Variants in CCDC136 observed in about 807,000 individuals in gnomAD.
The protein encoded by CCDC136 is coiled-coil domain-containing protein 136.
A neutral mutation model predicts 141.2 loss-of-function variants in CCDC136; 100 were observed. That is an observed-to-expected ratio of 0.71 (90% CI 0.60 to 0.84). The LOEUF (loss-of-function observed/expected upper bound fraction) is 0.84. CCDC136 is among the 40% of genes least tolerant of loss of function. CCDC136 has a pLI of 0.00. For synonymous variants in CCDC136, 474 were observed against 531.9 expected, an observed-to-expected ratio of 0.89 and a Z score of 1.50; for missense variants, 1,206 against 1,379.4, an observed-to-expected ratio of 0.87 and a Z score of 1.99.
rs1247533851 is a variant in CCDC136, at chr7:128,801,202, A to G, written c.363A>G (p.Leu121=). The part of the protein sequence containing the change: ...IQQLQGELRS[L]REEISLLEHE... ...ACTTTGCAGGTGAGCTGCGTTCTCT[A>G]CGGGAGGAGATTTCCCTGTTAGAGC... The change falls in exon 4 of 18, where the codon CTA becomes CTG. Residue 121 remains leucine, a synonymous_variant. Transcript: ENST00000297788. The G allele has an allele frequency of 1.2e-6, 2 of 1,613,172 alleles. No homozygotes were observed. Among genetic ancestry groups the G allele is most frequent in the African/African-American group, 1.3e-5 (1 of 74,900 alleles).
Position 128,807,428 on chromosome 7 carries a change from G to A in CCDC136, c.1488G>A (p.Glu496=), listed in dbSNP as rs758999678. 6 of 1,578,658 alleles carry A rather than the reference G, an allele frequency of 3.8e-6. No individual in the cohort carries two copies. In the Admixed American group the frequency reaches 1.1e-4, roughly 29 times the overall value. The change falls in exon 10 of 18, where the codon GAG becomes GAA. Residue 496 remains glutamate (E), a synonymous_variant. Coordinates refer to ENST00000297788, the MANE Select transcript of CCDC136 (RefSeq NM_022742.5). ...QLYQASKDEL[E]RQKHMYDQLE... ...ACCAGGCCAGCAAGGACGAGCTGGA[G>A]CGGCAGAAGCACATGTATGACCAGC...
intron 10 of CCDC136, 176 bp from the exon 11 acceptor site, chr7:128,809,274 A>T: frequency 3.5e-6 from 2 of 567,492 alleles, no homozygotes; most frequent in South Asian, 2.3e-5. Context: ...CCTGCAGGGG[A>T]TCCCCAATCG....
chr7:128,805,781 G>T lies in CCDC136; in HGVS notation c.969G>T (p.Glu323Asp). 6.2e-7 allele frequency: 1 copy of T among 1,612,762 alleles called. No homozygotes were observed. Among genetic ancestry groups the T allele is most frequent in the South Asian group, 1.1e-5 (1 of 90,798 alleles). ...MKNKCQELCC[E>D]LEELQHHRQV... The stretch of plus-strand genomic sequence containing the variant: ...CATAGTGTCAGGAATTGTGTTGTGA[G>T]TTGGAAGAGCTACAGCATCATCGCC... Residue 323 changes from glutamate to aspartate, a missense_variant, in exon 7 of 18, where the codon GAG becomes GAT. Physicochemically the swap from Glu to Asp is conservative, Grantham distance 45. Transcript: ENST00000297788. The surrounding 1 kb of genome is among the most constrained non-coding windows in gnomAD (Gnocchi z 4.6).
intron 10 of CCDC136, chr7:128,809,242 G>C (rs140660421): frequency 2.2e-4 from 114 of 525,814 alleles, no homozygotes; most frequent in Non-Finnish European, 2.5e-4. Context: ...CCAGTCTAGA[G>C]CAACCTGCTC....
At chr7:128,791,309 C>A (rs9692404), upstream of CCDC136, 58,126 of 354,148 alleles carry the variant, frequency 0.16, 5,057 homozygotes, top group East Asian at 0.24. The surrounding 1 kb of genome is among the most constrained non-coding windows in gnomAD (Gnocchi z 7.1). Context: ...TGCACGGGCT[C>A]GGAGCTCCCG....
chr7:128,796,739 A>ATATATATATATATTTTTTTTT lies in CCDC136; in HGVS notation c.346+1972_346+1973insATATATATATATTTTTTTTTT. ...TGATTCAGAATATATATATATATAT[A>ATATATATATATATTTTTTTTT]TTCTTTTTTTTTTTTTTTTTGAGAC... On this transcript the variant is annotated intron_variant, in intron 3 of 17. Coordinates refer to ENST00000297788, the MANE Select transcript of CCDC136 (RefSeq NM_022742.5). Among the ~76,000 whole-genome samples, 12 of 113,374 alleles carry ATATATATATATATTTTTTTTT rather than the reference A, an allele frequency of 1.1e-4. 1 individual carries two copies. The highest frequency in any genetic ancestry group is 1.7e-4 in the Non-Finnish European group (10 of 59,786). 74.4% of individuals were successfully genotyped at this position (113,374 alleles called of 152,430 possible). A position where few individuals can be genotyped will look rare whatever the true frequency, so the allele number is the denominator to read the frequency against.
intron 4 of CCDC136, among the ~76,000 whole-genome samples, chr7:128,802,346 A>G (rs1457527047): frequency 6.6e-6 from 1 of 152,106 alleles, no homozygotes; most frequent in Non-Finnish European, 1.5e-5. Flanking sequence ...GGCAATCAAC[A>G]AGGAATCAAA....
At chr7:128,792,502 C>G (rs1222158068) in intron 1 of CCDC136, 75 bp downstream of exon 1, 3 of 1,211,236 alleles carry the variant, frequency 2.5e-6, no homozygotes, top group Non-Finnish European at 3.5e-6. Context: ...CCTCTGACCC[C>G]CAGGCCTCTG....
chr7:128,812,720 A>G lies in CCDC136; in HGVS notation c.2554A>G (p.Met852Val), dbSNP rs1378713155. 1 of 1,612,732 alleles carries G rather than the reference A, an allele frequency of 6.2e-7. No individual in the cohort carries two copies. Among genetic ancestry groups the G allele is most frequent in the African/African-American group, 1.3e-5 (1 of 74,700 alleles). ...EPEDMERFEE[M>V]VVKVLIKLQA... ...CCACCCCCCGCAGCGCTTTGAGGAAATGGTTGTGAAAGTGCTGATCAAGCT... is the reference window on the plus strand; with the variant it reads ...CCACCCCCCGCAGCGCTTTGAGGAAGTGGTTGTGAAAGTGCTGATCAAGCT... The change falls in exon 14 of 18, where the codon ATG becomes GTG. Residue 852 changes from methionine (M) to valine (V), a missense_variant. Coordinates refer to ENST00000297788, the MANE Select transcript of CCDC136 (RefSeq NM_022742.5).
At chr7:128,807,000 C>A (rs35456642) in intron 9 of CCDC136, 142 bp downstream of exon 9, 58,611 of 709,028 alleles carry the variant, frequency 0.083, 6,667 homozygotes, top group African/African-American at 0.38. Context: ...AGAAAGGTGA[C>A]CTCGGGGAGT....
At chr7:128,791,939 C>A, upstream of CCDC136, 1 of 836,266 alleles carries the variant, frequency 1.2e-6, no homozygotes, top group Non-Finnish European at 1.6e-6. This position sits in a 1 kb window ranked among gnomAD's most constrained non-coding sequence, Gnocchi z 7.1. Flanking sequence ...AGCCCTACCC[C>A]TTCCCGCACG....
chr7:128,801,834 C>T (rs182875261), intron 4 of CCDC136, among the ~76,000 whole-genome samples: 7 of 152,318 alleles, frequency 4.6e-5, no homozygotes, highest in African/African-American at 1.7e-4. Flanking sequence ...CCAGATGTTA[C>T]ATAACCAGTC....
chr7:128,817,124 A>G lies in CCDC136; in HGVS notation c.3364-634A>G, dbSNP rs994627909. On this transcript the variant is annotated intron_variant, in intron 16 of 17. Coordinates refer to ENST00000297788, the MANE Select transcript of CCDC136 (RefSeq NM_022742.5). The surrounding 1 kb of genome is among the most constrained non-coding windows in gnomAD (Gnocchi z 4.6). ...TCAAATATATTCTATGTTTCTATAT[A>G]TGGAGAGATCCCTTTGCCCCGTGGG... Among the ~76,000 whole-genome samples the G allele has an allele frequency of 1.3e-5, 2 of 152,186 alleles. No individual in the cohort carries two copies. The highest frequency in any genetic ancestry group is 1.3e-4 in the Admixed American group (2 of 15,278).
upstream of CCDC136, chr7:128,790,949 T>TG (rs1802102606): frequency 7.8e-6 from 1 of 127,490 alleles, no homozygotes; most frequent in South Asian, 2.9e-4. This position sits in a 1 kb window ranked among gnomAD's most constrained non-coding sequence, Gnocchi z 5.4. Flanking sequence ...GGGCAGGGCC[T>TG]GGGGCCGGAG....
intron 12 of CCDC136, chr7:128,811,120 T>TA (rs1224859564): frequency 1.2e-5 from 4 of 336,870 alleles, no homozygotes; most frequent in Non-Finnish European, 2.4e-5. Context: ...ATTCAGATCT[T>TA]ATTCTGAACA....
intron 8 of CCDC136, 101 bp from the exon 9 acceptor site, chr7:128,806,587 A>G: frequency 8.0e-7 from 1 of 1,243,118 alleles, no homozygotes; most frequent in East Asian, 2.5e-5. Context: ...AAGGGCAGGA[A>G]GAAGCAAATC....
intron 10 of CCDC136, chr7:128,808,375 A>T: frequency 1.6e-6 from 1 of 633,100 alleles, no homozygotes; most frequent in Non-Finnish European, 2.0e-6. Context: ...TGCCCTCTTT[A>T]AATGGAAGAG....
chr7:128,791,950 C>T (rs1585038573), upstream of CCDC136: 1 of 882,298 alleles, frequency 1.1e-6, no homozygotes, highest in Non-Finnish European at 1.5e-6. This position sits in a 1 kb window ranked among gnomAD's most constrained non-coding sequence, Gnocchi z 7.1. Flanking sequence ...TTCCCGCACG[C>T]CCCCCACTCC....
At chr7:128,816,992 T>A (rs936784283) in intron 16 of CCDC136, among the ~76,000 whole-genome samples, 1 of 152,186 alleles carries the variant, frequency 6.6e-6, no homozygotes, top group African/African-American at 2.4e-5. Context: ...CCTCCCACTA[T>A]CATGTTTCCT....
Sources: gnomAD v4.1 joint callset for allele counts (sites outside exome capture counted in the v4.1 genomes callset) on GRCh38, gnomAD v4.1.1 for gene constraint, Gnocchi (gnomAD v3.1) non-coding constraint, MANE v1.5 for transcripts, NCBI Gene and HGNC (gene_info 2026-07-23, HGNC 2026-07-21) for gene names.